Variants in PECR observed in about 807,000 individuals in gnomAD.
The protein encoded by PECR is 2,4-dienoyl-CoA reductase-related protein.
PECR carries 30 observed loss-of-function variants against 35.3 expected under a neutral mutation model. The observed-to-expected ratio is 0.85, with a 90% CI of 0.64 to 1.15. The LOEUF (loss-of-function observed/expected upper bound fraction) is 1.15, where lower values mean the gene tolerates loss of function less well. PECR is among the 50% of genes most tolerant of loss of function. The pLI, the probability that PECR is intolerant of heterozygous loss-of-function variation, is 0.00. For synonymous variants in PECR, 148 were observed against 138.9 expected (o/e 1.07, Z -0.46); for missense variants, 392 against 370.8 (o/e 1.06, Z -0.47).
chr2:216,030,557 T>C (rs185853766), intron 7 of PECR, among the ~76,000 whole-genome samples: 338 of 152,138 alleles, frequency 2.2e-3, no homozygotes, highest in African/African-American at 7.7e-3. Context: ...GCAATTTTTT[T>C]TTTTGAGACG....
At chr2:216,037,855 C>A (rs7585754), downstream of PECR, among the ~76,000 whole-genome samples, 1 of 151,804 alleles carries the variant, frequency 6.6e-6, no homozygotes, top group Non-Finnish European at 1.5e-5. Context: ...GAGGCCAAAG[C>A]GGGCAGATCA....
intron 1 of PECR, among the ~76,000 whole-genome samples, chr2:216,080,462 C>T (rs926410669): frequency 2.0e-5 from 3 of 152,148 alleles, no homozygotes; most frequent in African/African-American, 7.2e-5. Context: ...AGGTAATTTC[C>T]ATTTTTTCAC....
intron 7 of PECR, among the ~76,000 whole-genome samples, chr2:216,040,666 C>T (rs1396893635): frequency 2.6e-5 from 4 of 152,120 alleles, no homozygotes; most frequent in Non-Finnish European, 4.4e-5. Flanking sequence ...GTCAGGAGTT[C>T]GAGACTAGCC....
intron 7 of PECR, among the ~76,000 whole-genome samples, chr2:216,042,135 G>A (rs910581368): frequency 1.2e-4 from 19 of 152,214 alleles, no homozygotes; most frequent in African/African-American, 3.4e-4. Context: ...GGCATCCTGT[G>A]GGACTGAGCC....
chr2:216,054,437 G>T (rs1305845563), intron 4 of PECR, among the ~76,000 whole-genome samples: 7 of 134,510 alleles, frequency 5.2e-5, no homozygotes, highest in Non-Finnish European at 1.1e-4. Flanking sequence ...CCAGATTCAA[G>T]TGATTCTCAT....
intron 1 of PECR, among the ~76,000 whole-genome samples, chr2:216,067,265 A>G (rs1695485338): frequency 6.6e-6 from 1 of 152,214 alleles, no homozygotes. Context: ...TCTTCACCTG[A>G]GTACCAATCG....
intron 1 of PECR, among the ~76,000 whole-genome samples, chr2:216,076,577 A>G (rs555415768): frequency 2.0e-5 from 3 of 152,326 alleles, no homozygotes; most frequent in Admixed American, 2.0e-4. Flanking sequence ...AGGCCGGCAG[A>G]TAACTTGAGG....
chr2:216,040,175 T>C (rs1173156734), intron 7 of PECR, among the ~76,000 whole-genome samples: 1 of 152,226 alleles, frequency 6.6e-6, no homozygotes, highest in African/African-American at 2.4e-5. Context: ...CTTACCTGTT[T>C]TTCAGTTATG....
At chr2:216,031,683 GAAAGAA>G (rs1553558900) in intron 7 of PECR, among the ~76,000 whole-genome samples, 1,768 of 53,732 alleles carry the variant, frequency 0.033, 40 homozygotes, top group African/African-American at 0.11. Context: ...AAGAAAGAAA[GAAAGAA>G]AGAGAAAGAA....
chr2:216,040,085 G>A lies in PECR; in HGVS notation c.827-725C>T, dbSNP rs139724402. ...AATGAGGAGAGCCTGCCTTAAGATA[G>A]AGCCAACACCATGGAGGCAAAAACA... is the stretch of plus-strand genomic sequence containing the variant. On this transcript the variant is annotated intron_variant, in intron 7 of 7. Transcript: ENST00000265322. Among the ~76,000 whole-genome samples, 62 of 152,140 alleles carry A rather than the reference G, an allele frequency of 4.1e-4. No homozygotes were observed. In the Middle Eastern group the frequency reaches 0.014, roughly 33 times the overall value.
At chr2:216,046,304 A>ATTTTT (rs1559209216) in intron 6 of PECR, among the ~76,000 whole-genome samples, 12 of 115,132 alleles carry the variant, frequency 1.0e-4, no homozygotes, top group African/African-American at 4.4e-4. Flanking sequence ...ATATATATAT[A>ATTTTT]TATATATTTT....
intron 3 of PECR, among the ~76,000 whole-genome samples, chr2:216,059,755 A>G (rs976822712): frequency 1.3e-5 from 2 of 152,238 alleles, no homozygotes; most frequent in African/African-American, 4.8e-5. Context: ...CCTAATGACT[A>G]TAATCATGTT....
intron 3 of PECR, among the ~76,000 whole-genome samples, chr2:216,063,078 A>G (rs1361436431): frequency 1.3e-5 from 2 of 152,202 alleles, no homozygotes; most frequent in Non-Finnish European, 2.9e-5. Flanking sequence ...CTATTCATAT[A>G]TATGCACACA....
chr2:216,036,547 C>T (rs1248966603), downstream of PECR, among the ~76,000 whole-genome samples: 1 of 152,218 alleles, frequency 6.6e-6, no homozygotes, highest in Non-Finnish European at 1.5e-5. Flanking sequence ...AGAGAATCCA[C>T]ATGACCCACT....
At chr2:216,079,138 G>A (rs1382452484) in intron 1 of PECR, among the ~76,000 whole-genome samples, 1 of 148,482 alleles carries the variant, frequency 6.7e-6, no homozygotes, top group African/African-American at 2.5e-5. Flanking sequence ...GGCCTTACTA[G>A]GAAATGTTTT....
intron 1 of PECR, among the ~76,000 whole-genome samples, chr2:216,069,220 T>C (rs1484911540): frequency 3.3e-5 from 5 of 152,226 alleles, no homozygotes; most frequent in African/African-American, 1.2e-4. Context: ...AAATAACAGA[T>C]GCACATCAAG....
At chr2:216,059,674 G>A (rs1006925586) in intron 3 of PECR, among the ~76,000 whole-genome samples, 2 of 152,172 alleles carry the variant, frequency 1.3e-5, no homozygotes, top group Non-Finnish European at 2.9e-5. Flanking sequence ...CGCCACTGCT[G>A]TCTGATTTTT....
At chr2:216,081,555 C>T (rs1695851590) in intron 1 of PECR, 63 bp downstream of exon 1, 8 of 1,606,778 alleles carry the variant, frequency 5.0e-6, no homozygotes, top group Middle Eastern at 1.7e-4. Flanking sequence ...CTCCTGGCTC[C>T]CGTCTCCAGG....
chr2:216,060,784 T>C (rs545869689), intron 3 of PECR, among the ~76,000 whole-genome samples: 1 of 152,214 alleles, frequency 6.6e-6, no homozygotes, highest in South Asian at 2.1e-4. Flanking sequence ...CCAGATTAGC[T>C]GGTCAACTAG....
Sources: gnomAD v4.1 joint callset for allele counts (sites outside exome capture counted in the v4.1 genomes callset) on GRCh38, gnomAD v4.1.1 for gene constraint, MANE v1.5 for transcripts, NCBI Gene and HGNC (gene_info 2026-07-23, HGNC 2026-07-21) for gene names.